The following DGKH variants were observed in gnomAD, a reference collection of about 807,000 sequenced individuals.
DGKH encodes DAG kinase eta.
Under a neutral mutation model 159.3 loss-of-function variants are expected in DGKH, and 90 were observed. The ratio of observed to expected loss-of-function variants is 0.57; its 90% confidence interval spans 0.48 to 0.67. The LOEUF (loss-of-function observed/expected upper bound fraction) is 0.67. DGKH is among the 30% of genes least tolerant of loss of function. The probability of loss-of-function intolerance (pLI) is 0.00; values close to 1 mark genes in which losing one functional copy is unlikely to be tolerated. For missense variants in DGKH, 1,181 were observed against 1,506.1 expected (o/e 0.78, Z 3.57); for synonymous variants, 536 against 553.8 (o/e 0.97, Z 0.45).
intron 1 of DGKH, among the ~76,000 whole-genome samples, chr13:42,075,557 A>G (rs1954079112): frequency 6.6e-6 from 1 of 152,174 alleles, no homozygotes; most frequent in South Asian, 2.1e-4. Context: ...CTTAGCCCTT[A>G]ACAGATTTGT....
At chr13:42,135,730 G>A (rs1955391137) in intron 3 of DGKH, among the ~76,000 whole-genome samples, 1 of 152,056 alleles carries the variant, frequency 6.6e-6, no homozygotes, top group Non-Finnish European at 1.5e-5. Context: ...CCCAGATGAG[G>A]CTAGAGAGAA....
At chr13:42,050,096 A>G (rs1001628155) in intron 1 of DGKH, among the ~76,000 whole-genome samples, 1 of 152,236 alleles carries the variant, frequency 6.6e-6, no homozygotes, top group African/African-American at 2.4e-5. Context: ...GGAGGCCGGT[A>G]ACGGTGGCTC....
At chr13:42,125,076 G>A (rs983097114) in intron 1 of DGKH, among the ~76,000 whole-genome samples, 11 of 152,036 alleles carry the variant, frequency 7.2e-5, no homozygotes, top group African/African-American at 2.4e-4. Context: ...TTTCTCACCC[G>A]TTTCCCCATT....
intron 21 of DGKH, among the ~76,000 whole-genome samples, chr13:42,207,089 C>CTTTCTT (rs1957511209): frequency 3.1e-5 from 4 of 129,722 alleles, no homozygotes; most frequent in Non-Finnish European, 1.6e-5. Flanking sequence ...TTCTTTCTTT[C>CTTTCTT]TTTCTTTCTT....
intron 28 of DGKH, among the ~76,000 whole-genome samples, chr13:42,220,845 A>G (rs973359524): frequency 6.6e-6 from 1 of 152,226 alleles, no homozygotes; most frequent in Admixed American, 6.5e-5. Flanking sequence ...TGAATACCCC[A>G]TATCAGATTT....
intron 21 of DGKH, among the ~76,000 whole-genome samples, chr13:42,208,455 A>G (rs1379690839): frequency 6.6e-6 from 1 of 152,156 alleles, no homozygotes; most frequent in Non-Finnish European, 1.5e-5. Context: ...TAAAGCACAT[A>G]TGTATATTGC....
At chr13:42,246,189 C>G (rs1010894071), downstream of DGKH, among the ~76,000 whole-genome samples, 3 of 152,128 alleles carry the variant, frequency 2.0e-5, no homozygotes, top group African/African-American at 2.4e-5. Context: ...CTTGTGCCAC[C>G]ACCAGTACGT....
chr13:42,238,231 C>T lies in DGKH; in HGVS notation c.*9043C>T, dbSNP rs1387793572. ...TCATTTTGGATATAAAGATAGACTT[C>T]CCAGACAGTGAGGTTAGAAATTAGA... is the stretch of plus-strand genomic sequence containing the variant. On this transcript the variant is annotated 3_prime_UTR_variant, in exon 30 of 30. Coordinates refer to ENST00000337343, the MANE Select transcript of DGKH (RefSeq NM_178009.5). 1 of 152,102 alleles carries T rather than the reference C, an allele frequency of 6.6e-6. No homozygotes were observed. The highest frequency in any genetic ancestry group is 1.5e-5 in the Non-Finnish European group (1 of 68,008). The allele number at this position is 152,102 out of a possible 1,614,324, so 9.4% of individuals were successfully genotyped here. A position where few individuals can be genotyped will look rare whatever the true frequency, so the allele number is the denominator to read the frequency against.
chr13:42,190,904 C>T (rs1166484438), intron 16 of DGKH, among the ~76,000 whole-genome samples: 5 of 152,294 alleles, frequency 3.3e-5, no homozygotes, highest in South Asian at 2.1e-4. Flanking sequence ...GCTCTCCTAA[C>T]GCTCCAAATG....
chr13:42,137,107 A>C (rs537790186), intron 3 of DGKH, among the ~76,000 whole-genome samples: 1 of 152,260 alleles, frequency 6.6e-6, no homozygotes, highest in South Asian at 2.1e-4. Context: ...CTCTCAGTTA[A>C]TACAGTTTAC....
intron 11 of DGKH, among the ~76,000 whole-genome samples, chr13:42,173,152 G>A (rs1162349186): frequency 6.6e-6 from 1 of 151,894 alleles, no homozygotes; most frequent in East Asian, 1.9e-4. Flanking sequence ...TAATTTTTTT[G>A]TAGAGACAAG....
chr13:42,109,734 GACCATTTCTTGGTTCCATGCTA>G (rs1419710753), intron 1 of DGKH, among the ~76,000 whole-genome samples: 4 of 152,014 alleles, frequency 2.6e-5, no homozygotes, highest in Non-Finnish European at 1.5e-5. Flanking sequence ...CTTCATCTCT[GACCATTTCTTGGTTCCATGCTA>G]ACCATTTCTT....
intron 1 of DGKH, among the ~76,000 whole-genome samples, chr13:42,056,867 C>T (rs1282951965): frequency 6.6e-6 from 1 of 152,154 alleles, no homozygotes; most frequent in African/African-American, 2.4e-5. Flanking sequence ...TCCCTTATTT[C>T]CCCCTTCTTC....
chr13:42,230,862 A>G lies in DGKH; in HGVS notation c.*1674A>G, dbSNP rs1870851745. The G allele has an allele frequency of 6.6e-6, 1 of 152,184 alleles. No homozygotes were observed. Among genetic ancestry groups the G allele is most frequent in the South Asian group, 2.1e-4 (1 of 4,836 alleles). 9.4% of individuals were successfully genotyped at this position (152,184 alleles called of 1,614,324 possible). A position where few individuals can be genotyped will look rare whatever the true frequency, so the allele number is the denominator to read the frequency against. ...CTATTGTCAGGCATATTATTTAATT[A>G]CATCAAAGGAGTTTAACTGTTTGAC... On this transcript the variant is annotated 3_prime_UTR_variant, in exon 30 of 30. Coordinates refer to ENST00000337343, the MANE Select transcript of DGKH (RefSeq NM_178009.5).
At chr13:42,062,591 A>C (rs1882265157) in intron 1 of DGKH, among the ~76,000 whole-genome samples, 1 of 152,174 alleles carries the variant, frequency 6.6e-6, no homozygotes, top group Non-Finnish European at 1.5e-5. Flanking sequence ...ATGTTCTATC[A>C]GTCTTTGATG....
chr13:42,127,716 A>G, intron 2 of DGKH, 143 bp downstream of exon 2: 1 of 635,786 alleles, frequency 1.6e-6, no homozygotes, highest in South Asian at 2.0e-5. Context: ...TCTATCGGTG[A>G]CCCCATCCCA....
At chr13:42,250,261 G>T (rs567879627) in intron 29 of DGKH, among the ~76,000 whole-genome samples, 19 of 149,800 alleles carry the variant, frequency 1.3e-4, no homozygotes, top group African/African-American at 4.4e-4. Context: ...GAGCCCCCAC[G>T]ACCGGCCACT....
chr13:42,215,729 A>C (rs979809064), intron 26 of DGKH, 62 bp downstream of exon 26: 2 of 1,416,408 alleles, frequency 1.4e-6, no homozygotes, highest in African/African-American at 2.8e-5. Context: ...TCTTACCTTC[A>C]TTGGGGAACA....
intron 1 of DGKH, among the ~76,000 whole-genome samples, chr13:42,072,860 C>A (rs1309445939): frequency 6.6e-6 from 1 of 152,198 alleles, no homozygotes; most frequent in Admixed American, 6.5e-5. Context: ...TCCCCACCCC[C>A]AACCTGGCAT....
Sources: allele counts gnomAD v4.1 joint callset (sites outside exome capture counted in the v4.1 genomes callset), GRCh38; gene constraint gnomAD v4.1.1; transcripts MANE v1.5; gene names NCBI Gene and HGNC (gene_info 2026-07-23, HGNC 2026-07-21).